NUP214: variants seen among roughly 807,000 people sequenced by gnomAD.
NUP214 encodes nucleoporin 214.
In NUP214, 79 loss-of-function variants were observed where a neutral mutation model predicts 196.2. The ratio of observed to expected loss-of-function variants is 0.40; its 90% confidence interval spans 0.34 to 0.49. The LOEUF is 0.49. NUP214 is among the 20% of genes least tolerant of loss of function. NUP214 has a pLI of 0.58. For missense variants in NUP214, 2,468 were observed against 2,539.0 expected, an observed-to-expected ratio of 0.97 and a Z score of 0.60; for synonymous variants, 1,020 against 990.5, an observed-to-expected ratio of 1.03 and a Z score of -0.56.
intron 26 of NUP214, chr9:131,190,348 T>A (rs183184527): frequency 1.6e-6 from 1 of 619,936 alleles, no homozygotes; most frequent in African/African-American, 1.9e-5. Flanking sequence ...CAAAGAAACC[T>A]AAGGAACTTT....
intron 17 of NUP214, among the ~76,000 whole-genome samples, chr9:131,156,554 TAA>T (rs893641163): frequency 2.6e-5 from 4 of 151,784 alleles, no homozygotes; most frequent in Non-Finnish European, 5.9e-5. Context: ...GGTATATTCC[TAA>T]GTTTTTTTTT....
At chr9:131,219,557 GCTT>G (rs531411498) in intron 31 of NUP214, among the ~76,000 whole-genome samples, 4 of 152,180 alleles carry the variant, frequency 2.6e-5, no homozygotes, top group Non-Finnish European at 5.9e-5. Flanking sequence ...TGCAAGAAGG[GCTT>G]CTTCTCTCTG....
At chr9:131,186,960 A>G (rs1833464286) in intron 24 of NUP214, among the ~76,000 whole-genome samples, 1 of 152,204 alleles carries the variant, frequency 6.6e-6, no homozygotes, top group Non-Finnish European at 1.5e-5. Flanking sequence ...CTCGTGGTCT[A>G]CAACAGGGGG....
intron 23 of NUP214, 152 bp downstream of exon 23, chr9:131,175,773 A>C (rs1253851133): frequency 9.5e-6 from 11 of 1,153,188 alleles, no homozygotes; most frequent in Non-Finnish European, 1.1e-6. Context: ...TTGTGGAGAG[A>C]GTTCTAAGAA....
chr9:131,234,259 A>G lies in NUP214; in HGVS notation c.*772A>G. 1 of 232,670 alleles carries G rather than the reference A, an allele frequency of 4.3e-6. No homozygotes were observed. Among genetic ancestry groups the G allele is most frequent in the East Asian group, 6.1e-5 (1 of 16,524 alleles). 14.4% of individuals were successfully genotyped at this position (232,670 alleles called of 1,614,324 possible). ...GGCAGTGACATTGGTAGCCACACCT[A>G]CCCAGTGTCTACTAACCACAGTGCA... On this transcript the variant is annotated 3_prime_UTR_variant, in exon 36 of 36. Coordinates refer to ENST00000359428, the MANE Select transcript of NUP214 (RefSeq NM_005085.4).
At chr9:131,215,583 GC>G (rs3215835) in intron 31 of NUP214, among the ~76,000 whole-genome samples, 88,450 of 151,800 alleles carry the variant, frequency 0.58, 26,118 homozygotes, top group Admixed American at 0.7. Flanking sequence ...TATCAGAGCT[GC>G]AGGGAGAGGA....
chr9:131,158,179 A>G (rs1266784644), intron 17 of NUP214, among the ~76,000 whole-genome samples: 1 of 152,172 alleles, frequency 6.6e-6, no homozygotes, highest in African/African-American at 2.4e-5. Context: ...CCTGTGTTCA[A>G]GTGATTCTTG....
At chr9:131,201,914 T>C (rs1833951821) in intron 30 of NUP214, among the ~76,000 whole-genome samples, 197 bp downstream of exon 30, 1 of 152,230 alleles carries the variant, frequency 6.6e-6, no homozygotes, top group Non-Finnish European at 1.5e-5. Context: ...ACTAGAATTT[T>C]GATCCTCCTT....
intron 24 of NUP214, chr9:131,187,020 GTTCTGAATGGTTACTAATTTTT>G: frequency 2.4e-6 from 1 of 410,536 alleles, no homozygotes; most frequent in African/African-American, 2.0e-5. Context: ...AAAAGATCTA[GTTCTGAATGGTTACTAATTTTT>G]TTCTTTGGAT....
At chr9:131,139,769 G>A (rs1045683784) in intron 10 of NUP214, among the ~76,000 whole-genome samples, 1 of 152,122 alleles carries the variant, frequency 6.6e-6, no homozygotes, top group African/African-American at 2.4e-5. Context: ...AGCAATACCC[G>A]AATCTGGTAC....
intron 32 of NUP214, among the ~76,000 whole-genome samples, chr9:131,223,711 T>TTTTTTTTATTTA (rs1554742594): frequency 7.4e-5 from 2 of 27,152 alleles, no homozygotes; most frequent in East Asian, 3.6e-3. Context: ...TTTTTTTTAT[T>TTTTTTTTATTTA]TTTATTTATT....
In NUP214 at chr9:131,187,358, C is replaced by CA; in HGVS notation, c.3491dup (p.Gln1165AlafsTer9). On this transcript the variant is annotated frameshift_variant, in exon 25 of 36. Transcript: ENST00000359428. LOFTEE classifies it high-confidence loss of function. The stretch of plus-strand genomic sequence containing the variant: ...TGACCCCAGTGGCTGCTAACCAAGC[C>CA]AAGCAGGTAACTTACTGATTTTTAC... 3.1e-6 allele frequency: 5 copies of CA among 1,590,856 alleles called. No homozygotes were observed. Among genetic ancestry groups the CA allele is most frequent in the Non-Finnish European group, 4.3e-6 (5 of 1,159,720 alleles).
At chr9:131,132,325 G>T (rs1343581253) in intron 5 of NUP214, among the ~76,000 whole-genome samples, 1 of 151,956 alleles carries the variant, frequency 6.6e-6, no homozygotes, top group East Asian at 1.9e-4. Flanking sequence ...TGTTGGCCAG[G>T]CTAGTCTCGA....
chr9:131,152,735 T>G (rs1832311000), intron 17 of NUP214, among the ~76,000 whole-genome samples: 2 of 152,138 alleles, frequency 1.3e-5, no homozygotes, highest in Admixed American at 1.3e-4. Context: ...AAACCTCCAT[T>G]TGCCTGAGCT....
Position 131,163,134 on chromosome 9 carries a change from GC to G in NUP214, c.2686del (p.Leu896CysfsTer26). 6.2e-7 allele frequency: 1 copy of G among 1,614,124 alleles called. No individual in the cohort carries two copies. Among genetic ancestry groups the G allele is most frequent in the Non-Finnish European group, 8.5e-7 (1 of 1,179,996 alleles). ...LRLYKQTSLW[S>X]LSSAVPSQSS... Reference sequence around the variant, plus strand: ...CTTTACAAACAGACTTCCCTGTGGAGCCTGTCCTCGGCTGTTCCTTCCCAGA... The same window carrying G: ...CTTTACAAACAGACTTCCCTGTGGAGCTGTCCTCGGCTGTTCCTTCCCAGA... On this transcript the variant is annotated frameshift_variant, in exon 19 of 36. Coordinates refer to ENST00000359428, the MANE Select transcript of NUP214 (RefSeq NM_005085.4). LOFTEE classifies it high-confidence loss of function.
rs1481390908 is a variant in NUP214 at position 131,127,432 on chromosome 9, A to G, written c.46-92A>G. The G allele has an allele frequency of 3.4e-5, 34 of 992,212 alleles. 1 individual carries two copies. Among genetic ancestry groups the G allele is most frequent in the Non-Finnish European group, 5.0e-5 (33 of 656,688 alleles). The allele number at this position is 992,212 out of a possible 1,614,324, so 61.5% of individuals were successfully genotyped here. Reference sequence around the variant, plus strand: ...ACAGACCTTGGTCTCAGTAATACATATTTTTGTTGTACTGAAATTGGGTCT... The same window carrying G: ...ACAGACCTTGGTCTCAGTAATACATGTTTTTGTTGTACTGAAATTGGGTCT... On this transcript the variant is annotated intron_variant, in intron 1 of 35. Transcript: ENST00000359428.
intron 35 of NUP214, chr9:131,233,104 AG>A (rs1834921780): frequency 6.5e-6 from 1 of 153,366 alleles, no homozygotes; most frequent in African/African-American, 2.4e-5. Flanking sequence ...TGAGGTCAGG[AG>A]TTCGAGACCA....
chr9:131,163,745 T>C lies in NUP214; in HGVS notation c.2724-125T>C, dbSNP rs1358761810. 17 of 710,110 alleles carry C rather than the reference T, an allele frequency of 2.4e-5. No homozygotes were observed. In the East Asian group the frequency reaches 4.2e-4, roughly 17 times the overall value. The allele number at this position is 710,110 out of a possible 1,614,324, so 44.0% of individuals were successfully genotyped here. A position where few individuals can be genotyped will look rare whatever the true frequency, so the allele number is the denominator to read the frequency against. Reference sequence around the variant, plus strand: ...AGATTAATTCCATCAGTTGGTCAGATGGCATGTTTATATATTGGGGATATT... The same window carrying C: ...AGATTAATTCCATCAGTTGGTCAGACGGCATGTTTATATATTGGGGATATT... On this transcript the variant is annotated intron_variant, in intron 19 of 35. Coordinates refer to ENST00000359428, the MANE Select transcript of NUP214 (RefSeq NM_005085.4).
rs771098310 is a variant in NUP214, at chr9:131,147,507, A to G, written c.1963A>G (p.Ser655Gly). Residue 655 changes from serine (S) to glycine (G), a missense_variant, in exon 14 of 36, where the codon AGT becomes GGT. Coordinates refer to ENST00000359428, the MANE Select transcript of NUP214 (RefSeq NM_005085.4). The stretch of plus-strand genomic sequence containing the variant: ...TCAAGCAGGACGATCTGCTCAGGGC[A>G]GTTCAAGCCCAGTGCCCTCAATGGT... ...PSPSGRSAQG[S>G]SSPVPSMVQK... is the part of the protein sequence containing the mutation. 5 of 1,613,948 alleles carry G rather than the reference A, an allele frequency of 3.1e-6. No homozygotes were observed. Among genetic ancestry groups the G allele is most frequent in the South Asian group, 2.2e-5 (2 of 91,044 alleles).
Sources: gnomAD v4.1 joint callset for allele counts (sites outside exome capture counted in the v4.1 genomes callset) on GRCh38, gnomAD v4.1.1 for gene constraint, MANE v1.5 for transcripts, NCBI Gene and HGNC (gene_info 2026-07-23, HGNC 2026-07-21) for gene names.